Variants in PLAG1 observed in about 807,000 individuals in gnomAD.
The protein encoded by PLAG1 is PLAG1 zinc finger, also known as zinc finger protein PLAG1.
A neutral mutation model predicts 35.5 loss-of-function variants in PLAG1; 7 were observed. That is an observed-to-expected ratio of 0.20 (90% CI 0.11 to 0.37). The LOEUF (loss-of-function observed/expected upper bound fraction) is 0.37, where lower values mean the gene tolerates loss of function less well. Ranked by LOEUF, PLAG1 falls within the 10% of genes least tolerant of loss-of-function variation. The pLI, the probability that PLAG1 is intolerant of heterozygous loss-of-function variation, is 1.00. For missense variants in PLAG1, 454 were observed against 602.8 expected (o/e 0.75, Z 2.58); for synonymous variants, 229 against 225.4 (o/e 1.02, Z -0.14).
chr8:56,165,004 T>C lies in PLAG1; in HGVS notation c.*1239A>G. 1 of 206,672 alleles carries C rather than the reference T, an allele frequency of 4.8e-6. No homozygotes were observed. The highest frequency in any genetic ancestry group is 9.9e-6 in the Non-Finnish European group (1 of 101,212). The allele number at this position is 206,672 out of a possible 1,614,324, so 12.8% of individuals were successfully genotyped here. A position where few individuals can be genotyped will look rare whatever the true frequency, so the allele number is the denominator to read the frequency against. Reference sequence around the variant, plus strand: ...AACTTCAAATTCTCCATCCAAAATATTGCAAGGAAAGATGGATTCACATTG... The same window carrying C: ...AACTTCAAATTCTCCATCCAAAATACTGCAAGGAAAGATGGATTCACATTG... On this transcript the variant is annotated 3_prime_UTR_variant, in exon 5 of 5. Transcript: ENST00000316981.
rs1004119793 is a variant in PLAG1, at chr8:56,162,764, G to A, written c.*3479C>T. On this transcript the variant is annotated 3_prime_UTR_variant, in exon 5 of 5. Coordinates refer to ENST00000316981, the MANE Select transcript of PLAG1 (RefSeq NM_002655.3). The stretch of plus-strand genomic sequence containing the variant: ...TCATTATTAGCTTAATAAAGCAATC[G>A]GCTCTGGCTCATGTTTCAGTCAGTA... The A allele has an allele frequency of 1.9e-5, 4 of 210,662 alleles. No individual in the cohort carries two copies. Among genetic ancestry groups the A allele is most frequent in the Admixed American group, 5.9e-5 (1 of 16,938 alleles). 13.0% of individuals were successfully genotyped at this position (210,662 alleles called of 1,614,324 possible). A position where few individuals can be genotyped will look rare whatever the true frequency, so the allele number is the denominator to read the frequency against.
At position 56,160,916 on chromosome 8, in the gene PLAG1, A is replaced by G; in HGVS notation, c.*5327T>C. ...AGGAAGATCTACATTATCTAAAGCC[A>G]TTCTATAATTTTATTCATATATTTT... On this transcript the variant is annotated 3_prime_UTR_variant, in exon 5 of 5. Transcript: ENST00000316981. 1.1e-5 allele frequency: 2 copies of G among 175,494 alleles called. No individual in the cohort carries two copies. Among genetic ancestry groups the G allele is most frequent in the Non-Finnish European group, 1.2e-5 (1 of 81,302 alleles). The allele number at this position is 175,494 out of a possible 1,614,324, so 10.9% of individuals were successfully genotyped here.
Position 56,165,687 on chromosome 8 carries a change from C to T in PLAG1, c.*556G>A, listed in dbSNP as rs1311692179. The T allele has an allele frequency of 5.1e-6, 1 of 197,186 alleles. No individual in the cohort carries two copies. Among genetic ancestry groups the T allele is most frequent in the Non-Finnish European group, 1.1e-5 (1 of 95,098 alleles). The allele number at this position is 197,186 out of a possible 1,614,324, so 12.2% of individuals were successfully genotyped here. ...TTTTAGCCAGACAACAGGGAGTCTT[C>T]AGAATATACTGATCTGAAATTATGG... On this transcript the variant is annotated 3_prime_UTR_variant, in exon 5 of 5. Transcript: ENST00000316981.
intron 2 of PLAG1, among the ~76,000 whole-genome samples, chr8:56,174,121 A>T (rs1811621112): frequency 6.6e-6 from 1 of 152,234 alleles, no homozygotes; most frequent in Non-Finnish European, 1.5e-5. Flanking sequence ...CAAGCATCAA[A>T]GCTTTATTCT....
chr8:56,183,809 T>C (rs2129229006), intron 1 of PLAG1, among the ~76,000 whole-genome samples: 1 of 152,264 alleles, frequency 6.6e-6, no homozygotes, highest in African/African-American at 2.4e-5. Flanking sequence ...GAATCACATC[T>C]CACACCATAT....
At position 56,163,210 on chromosome 8, in the gene PLAG1, CTTTTTTTTTTTTTTTT is replaced by C. The variant is rs34779318; in HGVS notation, c.*3017_*3032del. The C allele has an allele frequency of 1.0e-5, 1 of 96,884 alleles. No homozygotes were observed. Among genetic ancestry groups the C allele is most frequent in the Non-Finnish European group, 1.9e-5 (1 of 51,892 alleles). The allele number at this position is 96,884 out of a possible 1,614,324, so 6.0% of individuals were successfully genotyped here. Reference sequence around the variant, plus strand: ...AACTACTTTTATTTAATGTTAATCCCTTTTTTTTTTTTTTTTTTTTTTTTTTAACCAAGCTAAGGCA... The same window carrying C: ...AACTACTTTTATTTAATGTTAATCCCTTTTTTTTTTAACCAAGCTAAGGCA... On this transcript the variant is annotated 3_prime_UTR_variant, in exon 5 of 5. Coordinates refer to ENST00000316981, the MANE Select transcript of PLAG1 (RefSeq NM_002655.3).
At chr8:56,197,249 CT>C (rs1386464929) in intron 1 of PLAG1, among the ~76,000 whole-genome samples, 2 of 152,150 alleles carry the variant, frequency 1.3e-5, no homozygotes, top group Non-Finnish European at 2.9e-5. Context: ...ACATCCGGGG[CT>C]GTGTGTCTCC....
At position 56,166,137 on chromosome 8, in the gene PLAG1, A is replaced by G; in HGVS notation, c.*106T>C. The G allele has an allele frequency of 1.3e-6, 1 of 780,798 alleles. No homozygotes were observed. 48.4% of individuals were successfully genotyped at this position (780,798 alleles called of 1,614,324 possible). On this transcript the variant is annotated 3_prime_UTR_variant, in exon 5 of 5. Transcript: ENST00000316981. ...GGCTTAATGAAAATTTGTATTATAC[A>G]AAAGCAGAAATTTTTATACTGTTTT...
rs1348701935 is a variant in PLAG1, at chr8:56,161,720, T to G, written c.*4523A>C. The stretch of plus-strand genomic sequence containing the variant: ...CACTTTTACACCTAATGTAGTCCTT[T>G]TTCTATGGATAAAAAAATACGACTG... On this transcript the variant is annotated 3_prime_UTR_variant, in exon 5 of 5. Transcript: ENST00000316981. The G allele has an allele frequency of 4.4e-6, 1 of 228,514 alleles. No homozygotes were observed. The highest frequency in any genetic ancestry group is 2.2e-5 in the African/African-American group (1 of 45,078). The allele number at this position is 228,514 out of a possible 1,614,324, so 14.2% of individuals were successfully genotyped here.
intron 1 of PLAG1, among the ~76,000 whole-genome samples, chr8:56,196,945 A>AGTGTGTGTGTGTGTGTGT (rs1366304305): frequency 1.2e-5 from 1 of 84,112 alleles, no homozygotes. Flanking sequence ...CTCCCTCCCT[A>AGTGTGTGTGTGTGTGTGT]GTGTGCGTGT....
intron 1 of PLAG1, among the ~76,000 whole-genome samples, chr8:56,203,654 A>G (rs1174649938): frequency 6.6e-6 from 1 of 152,046 alleles, no homozygotes; most frequent in African/African-American, 2.4e-5. Context: ...CATCACAGAA[A>G]CTTTCCTTCT....
At chr8:56,197,164 C>A (rs1475984539) in intron 1 of PLAG1, among the ~76,000 whole-genome samples, 2 of 152,110 alleles carry the variant, frequency 1.3e-5, no homozygotes, top group Admixed American at 6.5e-5. Context: ...CCTCTGCATG[C>A]TTCTGTGTGT....
Position 56,161,849 on chromosome 8 carries a change from AT to A in PLAG1, c.*4393del, listed in dbSNP as rs1416975330. ...AAGGAGTGTTTCTGAGAAGATAAAC[AT>A]TCATTCTGGTTCATCTGTACCACTG... On this transcript the variant is annotated 3_prime_UTR_variant, in exon 5 of 5. Coordinates refer to ENST00000316981, the MANE Select transcript of PLAG1 (RefSeq NM_002655.3). 1 of 229,576 alleles carries A rather than the reference AT, an allele frequency of 4.4e-6. No homozygotes were observed. Among genetic ancestry groups the A allele is most frequent in the Non-Finnish European group, 8.7e-6 (1 of 115,460 alleles). The allele number at this position is 229,576 out of a possible 1,614,324, so 14.2% of individuals were successfully genotyped here.
intron 1 of PLAG1, among the ~76,000 whole-genome samples, chr8:56,200,126 G>A (rs951344185): frequency 3.9e-5 from 6 of 152,174 alleles, no homozygotes; most frequent in South Asian, 2.1e-4. Context: ...CTGCATATGC[G>A]GGCCCAAGCA....
chr8:56,192,915 A>G (rs372705484), intron 1 of PLAG1, among the ~76,000 whole-genome samples: 2 of 152,208 alleles, frequency 1.3e-5, no homozygotes, highest in Non-Finnish European at 1.5e-5. Flanking sequence ...AAAGACAAAA[A>G]ACCCGTTTCT....
At chr8:56,182,437 T>A (rs377738500) in intron 1 of PLAG1, among the ~76,000 whole-genome samples, 1 of 152,028 alleles carries the variant, frequency 6.6e-6, no homozygotes, top group East Asian at 1.9e-4. Flanking sequence ...ATCAGCTAAT[T>A]TAAGGGGAGA....
rs138656665 is a variant in PLAG1, at chr8:56,195,962, G to A, written c.-322+15159C>T. Reference sequence around the variant, plus strand: ...ATCAAGATGACAGACCTAGTCTCGCGGGTGTGGGAGGACACACCAAACTGC... The same window carrying A: ...ATCAAGATGACAGACCTAGTCTCGCAGGTGTGGGAGGACACACCAAACTGC... On this transcript the variant is annotated intron_variant, in intron 1 of 4. Transcript: ENST00000316981. Among the ~76,000 whole-genome samples, 898 of 152,226 alleles carry A rather than the reference G, an allele frequency of 5.9e-3. 9 individuals carry two copies. Among genetic ancestry groups the A allele is most frequent in the African/African-American group, 0.02 (849 of 41,536 alleles).
chr8:56,175,556 C>A (rs1006452627), intron 2 of PLAG1, among the ~76,000 whole-genome samples: 1 of 152,150 alleles, frequency 6.6e-6, no homozygotes, highest in African/African-American at 2.4e-5. Context: ...TAAAGTTAAT[C>A]AAAAATAAGG....
intron 1 of PLAG1, among the ~76,000 whole-genome samples, chr8:56,197,567 A>T (rs1442702145): frequency 6.6e-6 from 1 of 152,100 alleles, no homozygotes; most frequent in East Asian, 1.9e-4. Flanking sequence ...TCTTTCTCCC[A>T]CTGGCTTTCT....
Sources: gnomAD v4.1 joint callset for allele counts (sites outside exome capture counted in the v4.1 genomes callset) on GRCh38, gnomAD v4.1.1 for gene constraint, MANE v1.5 for transcripts, NCBI Gene and HGNC (gene_info 2026-07-23, HGNC 2026-07-21) for gene names.